Variants in PCDH15 observed in about 807,000 individuals in gnomAD.
PCDH15 encodes the protein protocadherin-15.
PCDH15 carries 129 observed loss-of-function variants against 178.5 expected under a neutral mutation model. That is an observed-to-expected ratio of 0.72 (90% CI 0.63 to 0.84). The LOEUF (loss-of-function observed/expected upper bound fraction) is 0.84. Ranked by LOEUF, PCDH15 falls within the 40% of genes least tolerant of loss-of-function variation. PCDH15 has a pLI of 0.00. For missense variants in PCDH15, 2,230 were observed against 2,099.9 expected (o/e 1.06, Z -1.21); for synonymous variants, 800 against 732.0 (o/e 1.09, Z -1.50).
chr10:55,027,243 T>A (rs1456468044), intron 2 of PCDH15, among the ~76,000 whole-genome samples: 1 of 151,840 alleles, frequency 6.6e-6, no homozygotes, highest in African/African-American at 2.4e-5. Context: ...GCTTTACAGT[T>A]AGAGAAAGAA....
At chr10:54,697,011 G>A (rs554164748) in intron 1 of PCDH15, among the ~76,000 whole-genome samples, 35 of 152,144 alleles carry the variant, frequency 2.3e-4, no homozygotes, top group Non-Finnish European at 4.3e-4. Context: ...AGATTCCTGG[G>A]GATCAAGCAC....
At chr10:55,492,419 T>G (rs1315342994) in intron 2 of PCDH15, among the ~76,000 whole-genome samples, 1 of 151,652 alleles carries the variant, frequency 6.6e-6, no homozygotes, top group African/African-American at 2.4e-5. Flanking sequence ...ATGCAAGCAT[T>G]TATTAGTCAA....
chr10:54,447,160 C>T lies in PCDH15; in HGVS notation c.158-68218G>A, dbSNP rs187102767. Among the ~76,000 whole-genome samples the T allele has an allele frequency of 1.8e-3, 273 of 151,672 alleles. 1 individual carries two copies. The highest frequency in any genetic ancestry group is 6.1e-3 in the African/African-American group (253 of 41,480). On this transcript the variant is annotated intron_variant, in intron 3 of 37. Coordinates refer to ENST00000644397, the MANE Select transcript of PCDH15 (RefSeq NM_001384140.1). ...GCGTTGGTGTGTCAGTGTTTGGTTT[C>T]GACTGAGCATCTGGTACATGAGCCT... is the stretch of plus-strand genomic sequence containing the variant.
rs150891423 is a variant in PCDH15, at chr10:53,961,825, A to G, written c.2936T>C (p.Phe979Ser). 5.0e-6 allele frequency: 8 copies of G among 1,611,630 alleles called. No individual in the cohort carries two copies. The Admixed American group carries it at 8.3e-5, about 17-fold the overall frequency. The change falls in exon 22 of 38, where the codon TTT becomes TCT. Residue 979 changes from phenylalanine to serine, a missense_variant. Physicochemically the swap from Phe to Ser is radical, Grantham distance 155. Coordinates refer to ENST00000644397, the MANE Select transcript of PCDH15 (RefSeq NM_001384140.1). ...DVQFPYPASIFEVEEDSGRVI... is the reference protein window; with the variant it reads ...DVQFPYPASISEVEEDSGRVI... ...TCTTCCAGAATCTTCTTCCACTTCA[A>G]AAATACTGGCAGGGTAAGGAAACTG...
intron 35 of PCDH15, among the ~76,000 whole-genome samples, chr10:53,813,821 T>C (rs993133674): frequency 2.6e-5 from 4 of 152,110 alleles, no homozygotes; most frequent in African/African-American, 7.2e-5. Flanking sequence ...AAGAACTGAC[T>C]AAAGAATATG....
intron 1 of PCDH15, among the ~76,000 whole-genome samples, chr10:55,243,701 T>G (rs1485750000): frequency 6.6e-6 from 1 of 152,184 alleles, no homozygotes; most frequent in African/African-American, 2.4e-5. Context: ...ATAATCAACA[T>G]TCTGGCTTTA....
At chr10:55,352,965 C>T (rs1307922704) in intron 2 of PCDH15, among the ~76,000 whole-genome samples, 1 of 152,106 alleles carries the variant, frequency 6.6e-6, no homozygotes, top group African/African-American at 2.4e-5. Flanking sequence ...AACTGCAACA[C>T]CTGCAGCTGG....
At chr10:54,200,672 G>C (rs1186377988) in intron 10 of PCDH15, among the ~76,000 whole-genome samples, 1 of 151,914 alleles carries the variant, frequency 6.6e-6, no homozygotes, top group Non-Finnish European at 1.5e-5. Flanking sequence ...TATCTTACTT[G>C]ACCTATCTTC....
At chr10:55,500,680 G>C (rs1840638198) in intron 2 of PCDH15, among the ~76,000 whole-genome samples, 1 of 151,736 alleles carries the variant, frequency 6.6e-6, no homozygotes, top group Admixed American at 6.6e-5. Context: ...ATTATGGACA[G>C]AAATCTGTGT....
At chr10:54,313,022 T>C (rs2061004574) in intron 8 of PCDH15, among the ~76,000 whole-genome samples, 1 of 152,134 alleles carries the variant, frequency 6.6e-6, no homozygotes, top group African/African-American at 2.4e-5. Context: ...GCTCAATCTG[T>C]TAAAAATGAT....
At chr10:54,697,622 A>ACAAAAG (rs1194674413) in intron 1 of PCDH15, among the ~76,000 whole-genome samples, 1 of 106,076 alleles carries the variant, frequency 9.4e-6, no homozygotes, top group Non-Finnish European at 1.9e-5. Flanking sequence ...AGAGAGAGAG[A>ACAAAAG]GAAAAGGAAG....
At position 53,964,623 on chromosome 10, in the gene PCDH15, G is replaced by A. The variant is rs1589656960; in HGVS notation, c.2869-2731C>T. Among the ~76,000 whole-genome samples, 3 of 152,084 alleles carry A rather than the reference G, an allele frequency of 2.0e-5. No homozygotes were observed. In the South Asian group the frequency reaches 6.2e-4, roughly 32 times the overall value. On this transcript the variant is annotated intron_variant, in intron 21 of 37. Transcript: ENST00000644397. ...AGTATTCATATATTTGAAGGTTTGG[G>A]AAATAGAGAACATTGAATAAACCTT...
At chr10:54,188,818 T>C (rs1378337825) in intron 11 of PCDH15, among the ~76,000 whole-genome samples, 1 of 151,952 alleles carries the variant, frequency 6.6e-6, no homozygotes, top group Admixed American at 6.6e-5. Context: ...CATGCACATA[T>C]ATAGGCACAT....
At chr10:55,612,634 TA>T (rs1449785937) in intron 2 of PCDH15, among the ~76,000 whole-genome samples, 1 of 152,180 alleles carries the variant, frequency 6.6e-6, no homozygotes, top group Non-Finnish European at 1.5e-5. Context: ...GCAAAGTTTT[TA>T]TTGAGATTAT....
intron 2 of PCDH15, among the ~76,000 whole-genome samples, chr10:55,465,891 A>C (rs1839821562): frequency 6.6e-6 from 1 of 152,218 alleles, no homozygotes; most frequent in African/African-American, 2.4e-5. Flanking sequence ...AATGTAATAC[A>C]AGAAAATTCT....
intron 3 of PCDH15, among the ~76,000 whole-genome samples, chr10:54,405,867 T>C (rs1952600871): frequency 6.6e-6 from 1 of 151,906 alleles, no homozygotes; most frequent in Non-Finnish European, 1.5e-5. Context: ...TCTGTAAGGT[T>C]TTAATTCTTT....
chr10:55,203,772 G>T (rs2132161725), intron 1 of PCDH15, among the ~76,000 whole-genome samples: 1 of 152,176 alleles, frequency 6.6e-6, no homozygotes, highest in Middle Eastern at 3.4e-3. Flanking sequence ...AGCATAGCCT[G>T]GGATAAAGAT....
chr10:54,890,669 A>G (rs1039602968), intron 3 of PCDH15, among the ~76,000 whole-genome samples: 2 of 152,074 alleles, frequency 1.3e-5, no homozygotes, highest in Non-Finnish European at 2.9e-5. Flanking sequence ...TTAGCTAGGT[A>G]GAGTATAACA....
chr10:54,699,747 A>T (rs1405506640), intron 1 of PCDH15, among the ~76,000 whole-genome samples: 2 of 152,024 alleles, frequency 1.3e-5, no homozygotes, highest in African/African-American at 4.8e-5. Context: ...CCATTAATGC[A>T]TTTTAATAAC....
Sources: gnomAD v4.1 joint callset for allele counts (sites outside exome capture counted in the v4.1 genomes callset) on GRCh38, gnomAD v4.1.1 for gene constraint, MANE v1.5 for transcripts, NCBI Gene and HGNC (gene_info 2026-07-23, HGNC 2026-07-21) for gene names.